Variants in MARK1 observed in about 807,000 individuals in gnomAD.
The protein encoded by MARK1 is microtubule affinity regulating kinase 1.
A neutral mutation model predicts 96.3 loss-of-function variants in MARK1; 40 were observed. The observed-to-expected ratio is 0.42, with a 90% CI of 0.32 to 0.54. The LOEUF (loss-of-function observed/expected upper bound fraction) is 0.54. MARK1 is among the 20% of genes least tolerant of loss of function. The pLI is 0.16. For synonymous variants in MARK1, 317 were observed against 341.2 expected, an observed-to-expected ratio of 0.93 and a Z score of 0.78; for missense variants, 719 against 984.6, an observed-to-expected ratio of 0.73 and a Z score of 3.61.
rs1394949312 is a variant in MARK1, at chr1:220,609,508, A to G, written c.495+5371A>G. 2.0e-5 allele frequency among the ~76,000 whole-genome samples: 3 copies of G among 152,154 alleles called. No homozygotes were observed. In the East Asian group the frequency reaches 5.8e-4, roughly 29 times the overall value. ...ACTGATGGGTCTTGACTCTTTATCC[A>G]ATTTGCCACTCTGTGTCTTTTAATT... On this transcript the variant is annotated intron_variant, in intron 6 of 17. Coordinates refer to ENST00000366917, the MANE Select transcript of MARK1 (RefSeq NM_018650.5).
At chr1:220,548,889 C>T (rs924724494) in intron 1 of MARK1, among the ~76,000 whole-genome samples, 2 of 152,198 alleles carry the variant, frequency 1.3e-5, no homozygotes, top group Non-Finnish European at 2.9e-5. Flanking sequence ...GAATTTAACA[C>T]GGTATTTTTA....
In MARK1 at chr1:220,579,445, C is replaced by T. The variant is rs778052924; in HGVS notation, c.143C>T (p.Thr48Met). The change falls in exon 2 of 18, where the codon ACG becomes ATG. Residue 48 changes from threonine to methionine, a missense_variant. Thr to Met is a moderately conservative substitution (Grantham distance 81, BLOSUM62 -1). Around this residue, in one of 4 missense-constraint regions of MARK1, gnomAD observed 105 missense variants for 133.4 expected, o/e 0.79. Transcript: ENST00000366917. ...ATCCCCCGGTGTAGAAACTCCATTACGTCAGCAACAGATGAACAGCCTCAC... is the reference window on the plus strand; with the variant it reads ...ATCCCCCGGTGTAGAAACTCCATTATGTCAGCAACAGATGAACAGCCTCAC... ...QNIPRCRNSI[T>M]SATDEQPHIG... 13 of 1,613,946 alleles carry T rather than the reference C, an allele frequency of 8.1e-6. No individual in the cohort carries two copies. Among genetic ancestry groups the T allele is most frequent in the South Asian group, 3.3e-5 (3 of 91,074 alleles).
intron 13 of MARK1, among the ~76,000 whole-genome samples, chr1:220,642,280 T>G (rs1169582467): frequency 6.6e-6 from 1 of 152,158 alleles, no homozygotes; most frequent in East Asian, 1.9e-4. Context: ...GCAGCTCTAG[T>G]CAGTGATTTT....
intron 13 of MARK1, among the ~76,000 whole-genome samples, chr1:220,637,193 T>C (rs1056434044): frequency 1.3e-5 from 2 of 152,170 alleles, no homozygotes; most frequent in Non-Finnish European, 2.9e-5. Context: ...CTGTAAAATA[T>C]ATAGGAGTTG....
intron 13 of MARK1, among the ~76,000 whole-genome samples, chr1:220,637,693 A>C (rs192701874): frequency 6.6e-6 from 1 of 152,022 alleles, no homozygotes; most frequent in Non-Finnish European, 1.5e-5. Context: ...AACCAAAAAA[A>C]AGAAAGAAAG....
At chr1:220,562,775 G>A (rs1417051244) in intron 1 of MARK1, among the ~76,000 whole-genome samples, 1 of 152,072 alleles carries the variant, frequency 6.6e-6, no homozygotes, top group South Asian at 2.1e-4. Flanking sequence ...ATACTTTAAA[G>A]CATCTTTAGA....
At chr1:220,661,421 A>C (rs1028415015) in intron 17 of MARK1, among the ~76,000 whole-genome samples, 2 of 152,180 alleles carry the variant, frequency 1.3e-5, no homozygotes, top group Non-Finnish European at 2.9e-5. Context: ...AGGCAGAAAA[A>C]AGAAATTTTT....
At chr1:220,620,081 C>A (rs17008084) in intron 9 of MARK1, among the ~76,000 whole-genome samples, 16 of 152,000 alleles carry the variant, frequency 1.1e-4, no homozygotes, top group Admixed American at 3.9e-4. Flanking sequence ...TAAGGGATGG[C>A]GACTTCCATT....
Position 220,663,683 on chromosome 1 carries a change from G to A in MARK1, c.*1517G>A, listed in dbSNP as rs1181430382. The A allele has an allele frequency of 6.6e-6, 1 of 152,420 alleles. No homozygotes were observed. Among genetic ancestry groups the A allele is most frequent in the Non-Finnish European group, 1.5e-5 (1 of 68,002 alleles). 9.4% of individuals were successfully genotyped at this position (152,420 alleles called of 1,614,324 possible). Reference sequence around the variant, plus strand: ...CCATTCCATAATGGCTTCCAGACTAGGGTGAATTTTATGTTCTGTACTGTA... The same window carrying A: ...CCATTCCATAATGGCTTCCAGACTAAGGTGAATTTTATGTTCTGTACTGTA... On this transcript the variant is annotated 3_prime_UTR_variant, in exon 18 of 18. Coordinates refer to ENST00000366917, the MANE Select transcript of MARK1 (RefSeq NM_018650.5).
At chr1:220,645,224 T>C (rs1184615496) in intron 13 of MARK1, among the ~76,000 whole-genome samples, 2 of 152,038 alleles carry the variant, frequency 1.3e-5, no homozygotes, top group African/African-American at 4.8e-5. Flanking sequence ...AATCAAATGA[T>C]AAGGAGGATG....
At chr1:220,534,809 G>A (rs973079353) in intron 1 of MARK1, among the ~76,000 whole-genome samples, 16 of 152,016 alleles carry the variant, frequency 1.1e-4, no homozygotes, top group African/African-American at 3.9e-4. Context: ...TTTCATTTTA[G>A]CACAATGCTC....
At chr1:220,596,375 C>T (rs1399620576) in intron 3 of MARK1, among the ~76,000 whole-genome samples, 1 of 152,096 alleles carries the variant, frequency 6.6e-6, no homozygotes, top group Non-Finnish European at 1.5e-5. Context: ...CCCGTATGCT[C>T]TTTGTCCCAA....
chr1:220,584,094 G>C (rs1201340799), intron 3 of MARK1, among the ~76,000 whole-genome samples: 1 of 152,054 alleles, frequency 6.6e-6, no homozygotes, highest in East Asian at 1.9e-4. Context: ...TTTGAAACTT[G>C]GACACATCAA....
intron 1 of MARK1, among the ~76,000 whole-genome samples, chr1:220,537,091 G>GTT (rs578156384): frequency 7.1e-6 from 1 of 140,774 alleles, no homozygotes; most frequent in African/African-American, 2.6e-5. Flanking sequence ...CTATCACCTA[G>GTT]TTTTTTTTTT....
At chr1:220,593,526 G>A (rs141484355) in intron 3 of MARK1, among the ~76,000 whole-genome samples, 1 of 152,200 alleles carries the variant, frequency 6.6e-6, no homozygotes, top group East Asian at 1.9e-4. Flanking sequence ...ATCTGCTCAT[G>A]TGCCACAGTA....
At chr1:220,544,126 A>G (rs1661325255) in intron 1 of MARK1, among the ~76,000 whole-genome samples, 1 of 152,194 alleles carries the variant, frequency 6.6e-6, no homozygotes, top group South Asian at 2.1e-4. Flanking sequence ...GATAGAAGAA[A>G]GGGTTTAAAG....
At chr1:220,623,383 C>A (rs934133155) in intron 9 of MARK1, among the ~76,000 whole-genome samples, 17 of 152,176 alleles carry the variant, frequency 1.1e-4, no homozygotes, top group African/African-American at 3.9e-4. Flanking sequence ...GCTTTCTATG[C>A]TTTATTTTGG....
chr1:220,582,022 CAGAA>C (rs1243234304), intron 3 of MARK1, among the ~76,000 whole-genome samples: 17 of 152,236 alleles, frequency 1.1e-4, no homozygotes, highest in African/African-American at 3.6e-4. Flanking sequence ...ATTCCTAAAA[CAGAA>C]AGAATCTTAT....
intron 5 of MARK1, 98 bp from the exon 6 acceptor site, chr1:220,603,969 A>T: frequency 1.5e-6 from 1 of 683,694 alleles, no homozygotes; most frequent in Non-Finnish European, 2.4e-6. Flanking sequence ...TTGTGGGCCA[A>T]AAGTTTCTTT....
Sources: allele counts gnomAD v4.1 joint callset (sites outside exome capture counted in the v4.1 genomes callset), GRCh38; gene constraint gnomAD v4.1.1; regional missense constraint gnomAD v4.1.1; transcripts MANE v1.5; gene names NCBI Gene and HGNC (gene_info 2026-07-23, HGNC 2026-07-21).